Variants in ASMT observed in about 807,000 individuals in gnomAD.
ASMT encodes acetylserotonin O-methyltransferase.
In ASMT, 53 loss-of-function variants were observed where a neutral mutation model predicts 41.3. The observed-to-expected ratio is 1.28, with a 90% confidence interval of 1.03 to 1.61. The LOEUF (loss-of-function observed/expected upper bound fraction) is 1.61. Among genes scored for constraint, ASMT ranks in the 40% most tolerant of loss-of-function variants. ASMT has a pLI of 0.00. For missense variants in ASMT, 531 were observed against 441.3 expected (o/e 1.20, Z -1.82); for synonymous variants, 231 against 184.8 (o/e 1.25, Z -2.03).
chrX:1,636,457 T>A lies in ASMT; in HGVS notation c.807T>A (p.Pro269=). The change falls in exon 8 of 9, where the codon CCT becomes CCA. Residue 269 remains proline (P), a synonymous_variant. Transcript: ENST00000381241. The part of the protein sequence containing the change: ...DFQEGDFFKD[P]LPEADLYILA... The stretch of plus-strand genomic sequence containing the variant: ...TTCCAGGGGATTTCTTCAAAGACCC[T>A]CTTCCGGAAGCTGATCTGTACATCC... The A allele has an allele frequency of 6.2e-7, 1 of 1,613,868 alleles. No individual in the cohort carries two copies. The highest frequency in any genetic ancestry group is 1.7e-4 in the Middle Eastern group (1 of 6,056).
intron 1 of ASMT, 136 bp downstream of exon 1, chrX:1,615,404 C>G (rs185681403): frequency 2.0e-4 from 179 of 914,332 alleles, no homozygotes; most frequent in Non-Finnish European, 2.8e-4. Context: ...AAGACGTACA[C>G]CCACGATGTA....
At chrX:1,615,603 G>A (rs1333530558) in intron 1 of ASMT, among the ~76,000 whole-genome samples, 5 of 152,002 alleles carry the variant, frequency 3.3e-5, no homozygotes, top group Non-Finnish European at 7.4e-5. Context: ...GGGAGTTCGA[G>A]ACCAGCCTGA....
chrX:1,617,237 A>G (rs1199980873), intron 1 of ASMT, among the ~76,000 whole-genome samples: 6 of 151,404 alleles, frequency 4.0e-5, no homozygotes, highest in African/African-American at 1.2e-4. Context: ...TTGGGGTCCA[A>G]GGTGGGCGGA....
intron 3 of ASMT, among the ~76,000 whole-genome samples, chrX:1,625,942 G>A (rs1332128856): frequency 1.4e-3 from 174 of 124,952 alleles, no homozygotes; most frequent in Non-Finnish European, 2.3e-3. Flanking sequence ...GCGACAGAGC[G>A]AGACTCCATC....
At chrX:1,636,215 C>T (rs1934956396) in intron 7 of ASMT, 7 of 641,360 alleles carry the variant, frequency 1.1e-5, no homozygotes, top group Non-Finnish European at 5.7e-6. Flanking sequence ...CCTCCGCCTC[C>T]CAAAGTGCTA....
At chrX:1,624,534 C>G in intron 3 of ASMT, 136 bp downstream of exon 3, 1 of 1,325,784 alleles carries the variant, frequency 7.5e-7, no homozygotes, top group East Asian at 2.8e-5. Context: ...TGGGGGCTGA[C>G]CCCAGGCAGA....
At chrX:1,624,962 G>C (rs1467271200) in intron 3 of ASMT, among the ~76,000 whole-genome samples, 4 of 151,642 alleles carry the variant, frequency 2.6e-5, no homozygotes, top group African/African-American at 9.7e-5. Flanking sequence ...GGGAGGTGGG[G>C]GCTGACCCCA....
intron 1 of ASMT, among the ~76,000 whole-genome samples, chrX:1,616,200 TGTATTTTTA>T (rs1438366992): frequency 5.1e-5 from 4 of 78,438 alleles, no homozygotes; most frequent in East Asian, 2.7e-4. Context: ...GGCTAATTTT[TGTATTTTTA>T]GTAGAGATGG....
intron 1 of ASMT, among the ~76,000 whole-genome samples, chrX:1,617,077 G>A (rs1321146941): frequency 2.0e-5 from 3 of 152,178 alleles, no homozygotes; most frequent in Non-Finnish European, 2.9e-5. Flanking sequence ...GGAGGCTGAG[G>A]CGGGAGGATC....
At position 1,627,920 on chromosome X, in the gene ASMT, A is replaced by G. The variant is rs749835143; in HGVS notation, c.443+149A>G. On this transcript the variant is annotated intron_variant, in intron 4 of 8. Coordinates refer to ENST00000381241, the MANE Select transcript of ASMT (RefSeq NM_001171038.2). Reference sequence around the variant, plus strand: ...AATAACATCCCCTATCCCCACTACTACCCCAGATTTTGCTCATCTGATGTT... The same window carrying G: ...AATAACATCCCCTATCCCCACTACTGCCCCAGATTTTGCTCATCTGATGTT... The G allele has an allele frequency of 3.5e-5, 28 of 791,688 alleles. 1 individual carries two copies. The highest frequency in any genetic ancestry group is 3.4e-4 in the South Asian group (23 of 67,852). 49.0% of individuals were successfully genotyped at this position (791,688 alleles called of 1,614,324 possible). A position where few individuals can be genotyped will look rare whatever the true frequency, so the allele number is the denominator to read the frequency against.
In ASMT at chrX:1,623,327, C is replaced by A. The variant is rs145850548; in HGVS notation, c.244+14C>A. On this transcript the variant is annotated intron_variant, in intron 2 of 8. Transcript: ENST00000381241. ...GGGGAGGAAAAGGTGAGGACACGGG[C>A]GTTTTGAAGGAGGCATTTTACATAG... 2.8e-3 allele frequency: 4,585 copies of A among 1,613,744 alleles called. 117 individuals carry two copies. In the African/African-American group the frequency reaches 0.054, roughly 19 times the overall value.
chrX:1,632,138 C>T (rs1444243260), intron 5 of ASMT, among the ~76,000 whole-genome samples: 1 of 152,152 alleles, frequency 6.6e-6, no homozygotes, highest in Admixed American at 6.6e-5. Context: ...ATTTTGTGTG[C>T]ACGACTTACC....
intron 7 of ASMT, among the ~76,000 whole-genome samples, chrX:1,633,695 G>C (rs1427476966): frequency 6.7e-6 from 1 of 149,358 alleles, no homozygotes; most frequent in Non-Finnish European, 1.5e-5. Context: ...GCTGGAGTGT[G>C]GTGACAGATC....
chrX:1,628,654 T>G, intron 4 of ASMT, among the ~76,000 whole-genome samples: 1 of 146,258 alleles, frequency 6.8e-6, no homozygotes, highest in East Asian at 2.1e-4. Flanking sequence ...TCTTCCATCC[T>G]CCTCTCTTTC....
At chrX:1,630,268 G>C (rs1352837472) in intron 5 of ASMT, among the ~76,000 whole-genome samples, 1 of 147,516 alleles carries the variant, frequency 6.8e-6, no homozygotes, top group Non-Finnish European at 1.5e-5. Flanking sequence ...CGAGTAGCTG[G>C]GATTACAGGC....
At chrX:1,636,343 G>A (rs4639690) in intron 7 of ASMT, 95 bp from the exon 8 acceptor site, 478,596 of 1,574,714 alleles carry the variant, frequency 0.3, 73,878 homozygotes, top group East Asian at 0.4. Context: ...TGGGAAAGGC[G>A]TGACCCATCC....
At chrX:1,635,219 C>T (rs187156577) in intron 7 of ASMT, among the ~76,000 whole-genome samples, 32 of 148,796 alleles carry the variant, frequency 2.2e-4, no homozygotes, top group Non-Finnish European at 4.3e-4. Flanking sequence ...CTCCTGATCT[C>T]GTGATCTGCC....
At chrX:1,617,889 T>C (rs1934197420) in intron 1 of ASMT, among the ~76,000 whole-genome samples, 1 of 152,146 alleles carries the variant, frequency 6.6e-6, no homozygotes, top group South Asian at 2.1e-4. Context: ...CTATCATGGC[T>C]GTGGTTTGCC....
chrX:1,618,392 G>C (rs1489894082), intron 1 of ASMT, among the ~76,000 whole-genome samples: 1 of 152,176 alleles, frequency 6.6e-6, no homozygotes, highest in Admixed American at 6.6e-5. Flanking sequence ...TCGAACTCCT[G>C]ACCTCGGGCG....
Sources: gnomAD v4.1 joint callset for allele counts (sites outside exome capture counted in the v4.1 genomes callset) on GRCh38, gnomAD v4.1.1 for gene constraint, MANE v1.5 for transcripts, NCBI Gene and HGNC (gene_info 2026-07-23, HGNC 2026-07-21) for gene names.